Variants in C12orf42 observed in about 807,000 individuals in gnomAD.
C12orf42 encodes the protein uncharacterized protein C12orf42.
In C12orf42, 25 loss-of-function variants were observed where a neutral mutation model predicts 21.6. The observed-to-expected ratio is 1.16, with a 90% CI of 0.84 to 1.62. The LOEUF (loss-of-function observed/expected upper bound fraction) is 1.62. Ranked by LOEUF, C12orf42 falls within the 40% of genes most tolerant of loss-of-function variation. The pLI is 0.00. For synonymous variants in C12orf42, 174 were observed against 175.0 expected (o/e 0.99, Z 0.05); for missense variants, 483 against 459.3 (o/e 1.05, Z -0.47).
At chr12:103,503,220 T>A in the C12orf42 span, among the ~76,000 whole-genome samples, 35 of 152,328 alleles carry the variant, frequency 2.3e-4, no homozygotes, top group African/African-American at 7.9e-4. Flanking sequence ...GGGAAAATAC[T>A]CACTGTCACC....
At chr12:103,150,501 T>C in the C12orf42 span, among the ~76,000 whole-genome samples, 3 of 152,234 alleles carry the variant, frequency 2.0e-5, no homozygotes, top group Non-Finnish European at 2.9e-5. Context: ...CTAATTTAGG[T>C]TAATCCATAA....
chr12:103,093,828 C>T, the C12orf42 span, among the ~76,000 whole-genome samples: 1 of 152,310 alleles, frequency 6.6e-6, no homozygotes, highest in Admixed American at 6.5e-5. Context: ...TAGTAGCCAG[C>T]AGAAGTGACT....
At chr12:103,360,740 A>G (rs2044022742) in intron 4 of C12orf42, among the ~76,000 whole-genome samples, 1 of 152,112 alleles carries the variant, frequency 6.6e-6, no homozygotes, top group South Asian at 2.1e-4. Context: ...CCATAAAACT[A>G]TCAAAAGCAG....
chr12:103,278,234 T>A (rs553722316), intron 4 of C12orf42, among the ~76,000 whole-genome samples: 18 of 152,336 alleles, frequency 1.2e-4, no homozygotes, highest in African/African-American at 4.1e-4. Context: ...AGGGTTTTTT[T>A]AAAACCACCT....
chr12:103,403,009 A>G (rs1305754003), intron 2 of C12orf42, among the ~76,000 whole-genome samples: 1 of 152,140 alleles, frequency 6.6e-6, no homozygotes, highest in Non-Finnish European at 1.5e-5. Flanking sequence ...GGTCTAGAAA[A>G]TGTGTCTTCT....
chr12:103,276,883 T>C (rs1216957098), intron 5 of C12orf42, among the ~76,000 whole-genome samples: 1 of 152,000 alleles, frequency 6.6e-6, no homozygotes, highest in Non-Finnish European at 1.5e-5. Context: ...TAACATGTGA[T>C]AATTAATGTT....
chr12:103,502,702 T>C, the C12orf42 span, among the ~76,000 whole-genome samples: 1 of 152,204 alleles, frequency 6.6e-6, no homozygotes, highest in East Asian at 1.9e-4. Flanking sequence ...CTTGATTATG[T>C]ATCCCAGATA....
the C12orf42 span, among the ~76,000 whole-genome samples, chr12:103,082,011 T>C: frequency 6.6e-6 from 1 of 152,226 alleles, no homozygotes; most frequent in Non-Finnish European, 1.5e-5. Flanking sequence ...TCTTTTAATG[T>C]TGTCACTAAT....
intron 10 of C12orf42, among the ~76,000 whole-genome samples, chr12:103,255,553 C>T (rs897652605): frequency 6.6e-6 from 1 of 152,082 alleles, no homozygotes; most frequent in African/African-American, 2.4e-5. Context: ...TTATTATATA[C>T]ACTGTTAGTG....
chr12:103,263,543 G>A (rs561974190), downstream of C12orf42, among the ~76,000 whole-genome samples: 2 of 152,198 alleles, frequency 1.3e-5, no homozygotes, highest in Non-Finnish European at 2.9e-5. Context: ...GCTCCAAGGA[G>A]ATAGTGGTCC....
At chr12:103,382,955 A>G (rs2046309090) in intron 3 of C12orf42, among the ~76,000 whole-genome samples, 1 of 152,158 alleles carries the variant, frequency 6.6e-6, no homozygotes, top group African/African-American at 2.4e-5. Context: ...TGGCTGGCCC[A>G]AGCAGCAAAG....
chr12:103,427,838 C>G (rs573033515), intron 2 of C12orf42, among the ~76,000 whole-genome samples: 1 of 152,314 alleles, frequency 6.6e-6, no homozygotes, highest in African/African-American at 2.4e-5. Context: ...AACCACACAA[C>G]TACATGGAAA....
chr12:103,146,612 A>AAAGAAAGAAAGAAAGAGAG, the C12orf42 span, among the ~76,000 whole-genome samples: 2 of 116,806 alleles, frequency 1.7e-5, no homozygotes, highest in Non-Finnish European at 3.6e-5. Context: ...AAGAAAGAAA[A>AAAGAAAGAAAGAAAGAGAG]AGAAAAGTAA....
At chr12:103,363,068 A>C (rs1160449911) in intron 4 of C12orf42, among the ~76,000 whole-genome samples, 2 of 152,086 alleles carry the variant, frequency 1.3e-5, no homozygotes, top group Non-Finnish European at 2.9e-5. Flanking sequence ...AAGTCAAGAT[A>C]AAGGAAAGAA....
the C12orf42 span, among the ~76,000 whole-genome samples, chr12:103,520,524 T>TCAC: frequency 6.7e-6 from 1 of 149,954 alleles, no homozygotes; most frequent in African/African-American, 2.5e-5. Context: ...CCTCTGCCCC[T>TCAC]AACAACAACA....
At chr12:103,086,284 A>G in the C12orf42 span, among the ~76,000 whole-genome samples, 1 of 152,000 alleles carries the variant, frequency 6.6e-6, no homozygotes, top group Non-Finnish European at 1.5e-5. Context: ...AGCTGCTAAC[A>G]CTTCCTAATT....
the C12orf42 span, among the ~76,000 whole-genome samples, chr12:103,553,444 C>T: frequency 2.6e-5 from 4 of 152,114 alleles, no homozygotes; most frequent in Non-Finnish European, 4.4e-5. Context: ...ACACAGTCTA[C>T]AAGGAAGCAT....
chr12:103,203,810 A>G, the C12orf42 span, among the ~76,000 whole-genome samples: 5 of 152,192 alleles, frequency 3.3e-5, no homozygotes, highest in African/African-American at 4.8e-5. Flanking sequence ...AGATATGTGT[A>G]ACCAAACGTC....
chr12:103,234,257 A>G (rs950365946), downstream of C12orf42, among the ~76,000 whole-genome samples: 3 of 152,160 alleles, frequency 2.0e-5, no homozygotes, highest in Non-Finnish European at 4.4e-5. Flanking sequence ...GTCCATCTAT[A>G]TAACTGTTGT....
Sources: allele counts gnomAD v4.1 joint callset (sites outside exome capture counted in the v4.1 genomes callset), GRCh38; gene constraint gnomAD v4.1.1; transcripts MANE v1.5; gene names NCBI Gene and HGNC (gene_info 2026-07-23, HGNC 2026-07-21).